The following SGCZ variants were observed in gnomAD, a reference collection of about 807,000 sequenced individuals.
The protein encoded by SGCZ is sarcoglycan zeta.
Under a neutral mutation model 41.3 loss-of-function variants are expected in SGCZ, and 40 were observed. The observed-to-expected ratio is 0.97, with a 90% CI of 0.75 to 1.26. The LOEUF is 1.26. SGCZ is among the 50% of genes most tolerant of loss of function. The pLI is 0.00. For synonymous variants in SGCZ, 206 were observed against 137.5 expected, an observed-to-expected ratio of 1.50 and a Z score of -3.49; for missense variants, 552 against 369.8, an observed-to-expected ratio of 1.49 and a Z score of -4.04.
intron 3 of SGCZ, among the ~76,000 whole-genome samples, chr8:14,276,955 T>C (rs56082469): frequency 0.27 from 40,827 of 152,090 alleles, 5,855 homozygotes; most frequent in South Asian, 0.45. Flanking sequence ...CCCCACAAAT[T>C]ATGTAACGGG....
At chr8:15,044,846 T>C (rs1387697710) in intron 1 of SGCZ, among the ~76,000 whole-genome samples, 3 of 152,036 alleles carry the variant, frequency 2.0e-5, no homozygotes, top group African/African-American at 7.2e-5. Flanking sequence ...AGTAGTTTTG[T>C]GAAGGTAATT....
intron 2 of SGCZ, among the ~76,000 whole-genome samples, chr8:14,506,777 G>T (rs555709981): frequency 2.0e-5 from 3 of 152,112 alleles, no homozygotes; most frequent in African/African-American, 7.2e-5. Context: ...GACAGCACTT[G>T]ACATATGTGC....
chr8:14,914,016 T>C (rs1799354621), intron 1 of SGCZ, among the ~76,000 whole-genome samples: 2 of 152,064 alleles, frequency 1.3e-5, no homozygotes, highest in Admixed American at 1.3e-4. Context: ...AAAATTCACA[T>C]TCTTAATAGT....
At chr8:14,748,328 C>T (rs1289019524) in intron 1 of SGCZ, among the ~76,000 whole-genome samples, 1 of 152,140 alleles carries the variant, frequency 6.6e-6, no homozygotes, top group Non-Finnish European at 1.5e-5. Context: ...AACTATTATA[C>T]TATCTCAAAA....
chr8:14,730,466 A>G (rs1585215318), intron 1 of SGCZ, among the ~76,000 whole-genome samples: 1 of 152,074 alleles, frequency 6.6e-6, no homozygotes, highest in Non-Finnish European at 1.5e-5. Context: ...CTTATCCTGA[A>G]GTGTGTGCTT....
intron 2 of SGCZ, among the ~76,000 whole-genome samples, chr8:14,373,398 T>C (rs954588737): frequency 1.3e-4 from 20 of 152,204 alleles, no homozygotes; most frequent in African/African-American, 4.6e-4. Context: ...AGATATGGGC[T>C]AGTGATAATC....
chr8:15,184,960 T>G (rs950650096), intron 1 of SGCZ, among the ~76,000 whole-genome samples: 1 of 151,976 alleles, frequency 6.6e-6, no homozygotes, highest in African/African-American at 2.4e-5. Context: ...AACTGGGGAG[T>G]CTCTAGGCAA....
chr8:14,833,822 G>GA (rs34866168), intron 1 of SGCZ, among the ~76,000 whole-genome samples: 97 of 149,552 alleles, frequency 6.5e-4, no homozygotes, highest in Non-Finnish European at 9.9e-4. Flanking sequence ...GATGATCCAG[G>GA]AAAAAAAAAA....
intron 7 of SGCZ, among the ~76,000 whole-genome samples, chr8:14,098,392 A>G (rs1377093172): frequency 6.6e-6 from 1 of 152,166 alleles, no homozygotes; most frequent in African/African-American, 2.4e-5. Context: ...TTTTGGGGGT[A>G]TGGATGTTGG....
chr8:14,960,529 A>T (rs1446697332), intron 1 of SGCZ, among the ~76,000 whole-genome samples: 1 of 152,120 alleles, frequency 6.6e-6, no homozygotes, highest in Admixed American at 6.6e-5. Context: ...TGAAGAACAT[A>T]ATCTTCATTT....
chr8:14,718,378 T>TA (rs1351380920), intron 1 of SGCZ, among the ~76,000 whole-genome samples: 3 of 151,248 alleles, frequency 2.0e-5, no homozygotes, highest in Admixed American at 6.6e-5. Flanking sequence ...AAAATGTCAC[T>TA]AAAAAAAAGA....
At chr8:14,684,034 G>A (rs1348997930) in intron 1 of SGCZ, among the ~76,000 whole-genome samples, 2 of 152,040 alleles carry the variant, frequency 1.3e-5, no homozygotes, top group Non-Finnish European at 2.9e-5. Flanking sequence ...ATATAAAAGT[G>A]GTTTATGGTA....
chr8:14,657,362 T>C (rs1178408489), intron 1 of SGCZ, among the ~76,000 whole-genome samples: 3 of 152,074 alleles, frequency 2.0e-5, no homozygotes, highest in Non-Finnish European at 4.4e-5. Context: ...ATTACAACTT[T>C]AGCATAACTA....
intron 2 of SGCZ, among the ~76,000 whole-genome samples, chr8:14,376,407 C>T (rs1804131542): frequency 1.3e-5 from 2 of 152,066 alleles, no homozygotes; most frequent in Non-Finnish European, 2.9e-5. Flanking sequence ...TTATTTTGAA[C>T]ACTGTATGCA....
At chr8:14,256,544 G>A (rs772007202) in intron 3 of SGCZ, among the ~76,000 whole-genome samples, 2 of 143,018 alleles carry the variant, frequency 1.4e-5, no homozygotes, top group Non-Finnish European at 3.1e-5. Context: ...AGTTTTTGAT[G>A]TTCAGTTGGA....
chr8:15,012,048 A>G (rs114452716), intron 1 of SGCZ, among the ~76,000 whole-genome samples: 1,838 of 152,300 alleles, frequency 0.012, 46 homozygotes, highest in African/African-American at 0.042. Flanking sequence ...TTAACTACTC[A>G]ATCGCATTAT....
intron 1 of SGCZ, among the ~76,000 whole-genome samples, chr8:15,226,831 A>G (rs1344201545): frequency 3.2e-5 from 4 of 126,528 alleles, no homozygotes; most frequent in Non-Finnish European, 6.9e-5. Context: ...TAACAGAAGG[A>G]AAAAAGCAGA....
At chr8:14,211,893 G>A (rs1417060189) in intron 4 of SGCZ, among the ~76,000 whole-genome samples, 1 of 152,072 alleles carries the variant, frequency 6.6e-6, no homozygotes, top group East Asian at 1.9e-4. Context: ...TACCACAGAA[G>A]TGGTACCACA....
intron 3 of SGCZ, among the ~76,000 whole-genome samples, chr8:14,261,298 A>G (rs2117234945): frequency 6.6e-6 from 1 of 152,262 alleles, no homozygotes; most frequent in Non-Finnish European, 1.5e-5. Context: ...TAATAAGCAC[A>G]TAGAATGATG....
Sources: gnomAD v4.1 joint callset for allele counts (sites outside exome capture counted in the v4.1 genomes callset) on GRCh38, gnomAD v4.1.1 for gene constraint, MANE v1.5 for transcripts, NCBI Gene and HGNC (gene_info 2026-07-23, HGNC 2026-07-21) for gene names.